The following SUPT3H variants were observed in gnomAD, a reference collection of about 807,000 sequenced individuals.
SUPT3H encodes the protein transcription initiation protein SPT3 homolog.
SUPT3H carries 44 observed loss-of-function variants against 44.3 expected under a neutral mutation model. That is an observed-to-expected ratio of 0.99 (90% confidence interval 0.78 to 1.28). The LOEUF is 1.28. SUPT3H is among the 50% of genes most tolerant of loss of function. SUPT3H has a pLI of 0.00. For missense variants in SUPT3H, 380 were observed against 387.1 expected (o/e 0.98, Z 0.15); for synonymous variants, 124 against 125.6 (o/e 0.99, Z 0.09).
intron 2 of SUPT3H, among the ~76,000 whole-genome samples, chr6:45,124,409 C>T (rs533016584): frequency 5.3e-4 from 81 of 151,826 alleles, no homozygotes; most frequent in African/African-American, 1.8e-3. Flanking sequence ...TTTGGGAGGC[C>T]GAGGCAGGTG....
At chr6:45,006,372 C>T (rs139266686) in intron 5 of SUPT3H, among the ~76,000 whole-genome samples, 7 of 151,306 alleles carry the variant, frequency 4.6e-5, no homozygotes, top group Admixed American at 2.0e-4. Context: ...TTTTCCTTTT[C>T]CTTTCTTCAT....
intron 10 of SUPT3H, among the ~76,000 whole-genome samples, chr6:44,883,242 CAG>C (rs1037508071): frequency 3.3e-5 from 5 of 150,136 alleles, no homozygotes; most frequent in African/African-American, 1.2e-4. Flanking sequence ...TACACAAACA[CAG>C]AGCCAAATCA....
intron 2 of SUPT3H, among the ~76,000 whole-genome samples, chr6:45,205,212 T>A (rs570864719): frequency 6.6e-6 from 1 of 152,150 alleles, no homozygotes; most frequent in Non-Finnish European, 1.5e-5. Context: ...CAAAAGTACA[T>A]TGGAATCATT....
chr6:45,178,245 C>CA (rs1812389038), intron 2 of SUPT3H, among the ~76,000 whole-genome samples: 2 of 151,462 alleles, frequency 1.3e-5, no homozygotes, highest in East Asian at 1.9e-4. Context: ...AAATGGAAAA[C>CA]AAAAAAAGGC....
intron 10 of SUPT3H, among the ~76,000 whole-genome samples, chr6:44,886,980 A>T (rs1157737864): frequency 3.3e-5 from 5 of 152,312 alleles, no homozygotes; most frequent in African/African-American, 1.2e-4. Flanking sequence ...AGTCTCTGAT[A>T]AAACAGACTT....
At chr6:45,216,782 A>G (rs1765128165) in intron 2 of SUPT3H, among the ~76,000 whole-genome samples, 2 of 152,220 alleles carry the variant, frequency 1.3e-5, no homozygotes, top group Admixed American at 6.5e-5. Context: ...TACCTAACAC[A>G]GGAACACCTG....
intron 9 of SUPT3H, among the ~76,000 whole-genome samples, chr6:44,948,332 A>G (rs1773687656): frequency 6.6e-6 from 1 of 152,226 alleles, no homozygotes; most frequent in Non-Finnish European, 1.5e-5. Flanking sequence ...AGGCATGGGC[A>G]AGGACTTCAT....
intron 10 of SUPT3H, among the ~76,000 whole-genome samples, chr6:44,906,133 C>G (rs1201660130): frequency 6.6e-6 from 1 of 152,226 alleles, no homozygotes; most frequent in African/African-American, 2.4e-5. Flanking sequence ...TGTAACTAAC[C>G]TGCACATTGT....
rs889482326 is a variant in SUPT3H at position 45,320,144 on chromosome 6, A to G, written c.101+45057T>C. On this transcript the variant is annotated intron_variant, in intron 2 of 10. Transcript: ENST00000371459. ...TTCACGTAACAATATTATTAAAAAA[A>G]TTTCCAAATACTTCAAGAATTCTAT... Among the ~76,000 whole-genome samples, 6 of 152,272 alleles carry G rather than the reference A, an allele frequency of 3.9e-5. No homozygotes were observed. In the East Asian group the frequency reaches 1.2e-3, roughly 29 times the overall value.
chr6:45,211,297 G>C (rs569187600), intron 2 of SUPT3H, among the ~76,000 whole-genome samples: 2 of 151,958 alleles, frequency 1.3e-5, no homozygotes, highest in South Asian at 2.1e-4. Flanking sequence ...GTAACAGTAA[G>C]GCTCCTACTC....
chr6:44,917,330 T>G (rs955379468), intron 10 of SUPT3H, among the ~76,000 whole-genome samples: 24 of 152,204 alleles, frequency 1.6e-4, no homozygotes, highest in African/African-American at 5.8e-4. Flanking sequence ...TAAATGAGAC[T>G]GTATTTGAGA....
rs536088072 is a variant in SUPT3H at position 45,166,406 on chromosome 6, G to A, written c.102-60400C>T. Among the ~76,000 whole-genome samples the A allele has an allele frequency of 2.6e-5, 4 of 152,102 alleles. No individual in the cohort carries two copies. The South Asian group carries it at 8.3e-4, about 32-fold the overall frequency. On this transcript the variant is annotated intron_variant, in intron 2 of 10. Coordinates refer to ENST00000371459, the MANE Select transcript of SUPT3H (RefSeq NM_003599.4). ...GATTAAGACCATCCTGGCTAACACA[G>A]TGAAACCCCGTCTCTACTAAAAAAT...
intron 2 of SUPT3H, among the ~76,000 whole-genome samples, chr6:45,229,866 T>C (rs1767630133): frequency 6.6e-6 from 1 of 152,202 alleles, no homozygotes; most frequent in Non-Finnish European, 1.5e-5. Flanking sequence ...TTGAAATATA[T>C]ATAATATTCT....
intron 2 of SUPT3H, among the ~76,000 whole-genome samples, chr6:45,306,164 G>A (rs1782963743): frequency 6.6e-6 from 1 of 152,130 alleles, no homozygotes; most frequent in Non-Finnish European, 1.5e-5. Flanking sequence ...TCAACTCCAA[G>A]GCCACATCAC....
chr6:44,967,306 CAT>C (rs1306501346), intron 6 of SUPT3H, among the ~76,000 whole-genome samples: 1 of 152,164 alleles, frequency 6.6e-6, no homozygotes, highest in Non-Finnish European at 1.5e-5. Flanking sequence ...TATTGTAAAA[CAT>C]ACAGAGAAGG....
chr6:45,373,128 T>C (rs1256604409), intron 1 of SUPT3H, among the ~76,000 whole-genome samples: 1 of 151,984 alleles, frequency 6.6e-6, no homozygotes, highest in Non-Finnish European at 1.5e-5. Context: ...TGTTTTAAAT[T>C]TTTTCTAGAG....
chr6:45,237,310 G>C (rs547020065), intron 2 of SUPT3H, among the ~76,000 whole-genome samples: 1 of 152,312 alleles, frequency 6.6e-6, no homozygotes, highest in East Asian at 1.9e-4. Context: ...TAACATAGTT[G>C]GAGTTGGTAA....
chr6:44,862,910 T>C (rs1454497714), intron 10 of SUPT3H, among the ~76,000 whole-genome samples: 1 of 152,146 alleles, frequency 6.6e-6, no homozygotes, highest in Non-Finnish European at 1.5e-5. Flanking sequence ...AATCCCCTGA[T>C]GGTGTACAGC....
intron 2 of SUPT3H, among the ~76,000 whole-genome samples, chr6:45,199,431 T>C (rs994757515): frequency 1.3e-5 from 2 of 151,322 alleles, no homozygotes; most frequent in African/African-American, 4.8e-5. Flanking sequence ...TAAAAAAAAG[T>C]ATTTTTTGCA....
Sources: allele counts gnomAD v4.1 joint callset (sites outside exome capture counted in the v4.1 genomes callset), GRCh38; gene constraint gnomAD v4.1.1; transcripts MANE v1.5; gene names NCBI Gene and HGNC (gene_info 2026-07-23, HGNC 2026-07-21).